The following AUTS2 variants were observed in gnomAD, a reference collection of about 807,000 sequenced individuals.
AUTS2 encodes the protein activator of transcription and developmental regulator AUTS2, also known as autism susceptibility gene 2 protein.
A neutral mutation model predicts 112.4 loss-of-function variants in AUTS2; 17 were observed. That is an observed-to-expected ratio of 0.15 (90% CI 0.10 to 0.23). The LOEUF (loss-of-function observed/expected upper bound fraction) is 0.23, where lower values mean the gene tolerates loss of function less well. Among genes scored for constraint, AUTS2 ranks in the 10% least tolerant of loss-of-function variants. The pLI, the probability that AUTS2 is intolerant of heterozygous loss-of-function variation, is 1.00. For missense variants in AUTS2, 1,510 were observed against 1,701.6 expected, an observed-to-expected ratio of 0.89 and a Z score of 1.98; for synonymous variants, 751 against 702.7, an observed-to-expected ratio of 1.07 and a Z score of -1.09.
At chr7:70,115,197 C>A (rs1805295588) in intron 2 of AUTS2, among the ~76,000 whole-genome samples, 1 of 152,086 alleles carries the variant, frequency 6.6e-6, no homozygotes, top group African/African-American at 2.4e-5. Flanking sequence ...ATTTTCCTTC[C>A]GTGAAGAAGC....
intron 5 of AUTS2, among the ~76,000 whole-genome samples, chr7:70,598,308 G>T (rs1233344755): frequency 6.6e-6 from 1 of 152,148 alleles, no homozygotes; most frequent in Non-Finnish European, 1.5e-5. Flanking sequence ...CTCAGTGCAG[G>T]TTTACTGTAT....
intron 4 of AUTS2, among the ~76,000 whole-genome samples, chr7:70,417,530 T>C (rs1795038278): frequency 6.6e-6 from 1 of 152,190 alleles, no homozygotes; most frequent in Non-Finnish European, 1.5e-5. Context: ...AGCTTTGCAA[T>C]GTGCGCTGTG....
At chr7:70,585,733 G>A (rs1331621067) in intron 5 of AUTS2, among the ~76,000 whole-genome samples, 1 of 152,170 alleles carries the variant, frequency 6.6e-6, no homozygotes, top group Non-Finnish European at 1.5e-5. Context: ...AATCTAGCCA[G>A]TTGGTTCAAG....
chr7:69,984,214 G>A lies in AUTS2; in HGVS notation c.522+84716G>A, dbSNP rs531507970. Among the ~76,000 whole-genome samples the A allele has an allele frequency of 1.4e-4, 22 of 152,074 alleles. No individual in the cohort carries two copies. In the East Asian group the frequency reaches 2.5e-3, roughly 17 times the overall value. ...GGGCGGATCACGAGGTCAGGAGATC[G>A]AGACCACGGTGAAACCCCGTCTCTA... On this transcript the variant is annotated intron_variant, in intron 2 of 18. Transcript: ENST00000342771.
chr7:70,333,962 T>TA (rs946426308), intron 4 of AUTS2, among the ~76,000 whole-genome samples: 1 of 152,056 alleles, frequency 6.6e-6, no homozygotes, highest in Non-Finnish European at 1.5e-5. Flanking sequence ...GTAATAATAA[T>TA]AAAAAAAGAA....
At chr7:69,848,511 C>G (rs1156982699) in intron 1 of AUTS2, among the ~76,000 whole-genome samples, 1 of 152,124 alleles carries the variant, frequency 6.6e-6, no homozygotes, top group Non-Finnish European at 1.5e-5. Context: ...TGTGTGCACA[C>G]ACACAGTGGC....
chr7:70,225,246 C>T (rs1811702033), intron 4 of AUTS2, among the ~76,000 whole-genome samples: 8 of 152,064 alleles, frequency 5.3e-5, no homozygotes, highest in Admixed American at 5.2e-4. Flanking sequence ...AAATAAAATC[C>T]CTTAGATTTT....
At chr7:70,781,839 T>G in intron 15 of AUTS2, 83 bp downstream of exon 15, 1 of 1,518,676 alleles carries the variant, frequency 6.6e-7, no homozygotes, top group Non-Finnish European at 8.9e-7. Flanking sequence ...GGCTCTGAGC[T>G]GCCGCTCAGT....
At chr7:69,887,748 C>G (rs974047370) in intron 1 of AUTS2, among the ~76,000 whole-genome samples, 10 of 152,190 alleles carry the variant, frequency 6.6e-5, no homozygotes, top group African/African-American at 2.4e-4. Context: ...TATCTGCAAC[C>G]TCTGCAACCA....
chr7:70,025,487 T>C (rs1335614443), intron 2 of AUTS2, among the ~76,000 whole-genome samples: 1 of 151,234 alleles, frequency 6.6e-6, no homozygotes, highest in Non-Finnish European at 1.5e-5. Context: ...GGTCTCGCTC[T>C]GTCACCAAGG....
At chr7:70,249,898 AT>A (rs1786502066) in intron 4 of AUTS2, among the ~76,000 whole-genome samples, 1 of 140,090 alleles carries the variant, frequency 7.1e-6, no homozygotes, top group South Asian at 2.3e-4. Flanking sequence ...AAATATTAAT[AT>A]TTTAAGTAAA....
chr7:70,396,822 AG>A lies in AUTS2; in HGVS notation c.661-38929del, dbSNP rs201595506. On this transcript the variant is annotated intron_variant, in intron 4 of 18. Coordinates refer to ENST00000342771, the MANE Select transcript of AUTS2 (RefSeq NM_015570.4). The stretch of plus-strand genomic sequence containing the variant: ...TACAATTTTTGGTTATTACAAATAA[AG>A]CTGCTGTGAACATTCACATACAAGT... Among the ~76,000 whole-genome samples, 214 of 152,350 alleles carry A rather than the reference AG, an allele frequency of 1.4e-3. 1 individual carries two copies. Among genetic ancestry groups the A allele is most frequent in the African/African-American group, 4.9e-3 (203 of 41,592 alleles).
At chr7:70,588,988 G>A (rs989699744) in intron 5 of AUTS2, among the ~76,000 whole-genome samples, 1 of 152,122 alleles carries the variant, frequency 6.6e-6, no homozygotes, top group Non-Finnish European at 1.5e-5. Flanking sequence ...TATATCAGGG[G>A]TTACAAAGCT....
At chr7:69,611,293 G>A (rs1793020485) in intron 1 of AUTS2, among the ~76,000 whole-genome samples, 1 of 152,146 alleles carries the variant, frequency 6.6e-6, no homozygotes, top group Non-Finnish European at 1.5e-5. Context: ...GATATGTGGT[G>A]TCTTAGAGCC....
intron 2 of AUTS2, among the ~76,000 whole-genome samples, chr7:69,973,381 A>T (rs935077316): frequency 6.6e-6 from 1 of 152,238 alleles, no homozygotes; most frequent in African/African-American, 2.4e-5. Context: ...AAATGAGGAC[A>T]GATTTATTTC....
intron 5 of AUTS2, among the ~76,000 whole-genome samples, chr7:70,659,912 A>G (rs1806980271): frequency 6.6e-6 from 1 of 152,192 alleles, no homozygotes; most frequent in African/African-American, 2.4e-5. Context: ...ATGGTGGCTC[A>G]TGCCTGTAAT....
Position 70,180,738 on chromosome 7 carries a change from C to T in AUTS2, c.660+46167C>T, listed in dbSNP as rs180748957. On this transcript the variant is annotated intron_variant, in intron 4 of 18. Transcript: ENST00000342771. ...GCAGCTGCACAAGCCTGTCGTTTTC[C>T]ATACTATTGTATTTTCAGGTCTAAC... 5.8e-3 allele frequency among the ~76,000 whole-genome samples: 836 copies of T among 144,008 alleles called. 1 individual carries two copies. The highest frequency in any genetic ancestry group is 9.6e-3 in the Non-Finnish European group (625 of 65,246). The allele number at this position is 144,008 out of a possible 152,430, so 94.5% of individuals were successfully genotyped here. A position where few individuals can be genotyped will look rare whatever the true frequency, so the allele number is the denominator to read the frequency against.
At chr7:70,117,336 G>A (rs1805435739) in intron 2 of AUTS2, among the ~76,000 whole-genome samples, 2 of 152,028 alleles carry the variant, frequency 1.3e-5, no homozygotes, top group Non-Finnish European at 1.5e-5. Flanking sequence ...CCCAGTGTTT[G>A]AAGGATAACA....
chr7:70,421,885 C>T (rs1357681436), intron 4 of AUTS2, among the ~76,000 whole-genome samples: 2 of 152,118 alleles, frequency 1.3e-5, no homozygotes, highest in African/African-American at 2.4e-5. Context: ...ACTGGCAAAC[C>T]AGTGGGTGTT....
Sources: allele counts gnomAD v4.1 joint callset (sites outside exome capture counted in the v4.1 genomes callset), GRCh38; gene constraint gnomAD v4.1.1; transcripts MANE v1.5; gene names NCBI Gene and HGNC (gene_info 2026-07-23, HGNC 2026-07-21).